Variants in KLHL11 observed in about 807,000 individuals in gnomAD.
The protein encoded by KLHL11 is kelch like family member 11.
A neutral mutation model predicts 56.1 loss-of-function variants in KLHL11; 26 were observed. The observed-to-expected ratio is 0.46, with a 90% confidence interval of 0.34 to 0.64. The LOEUF is 0.64. KLHL11 is among the 30% of genes least tolerant of loss of function. The pLI is 0.01. For synonymous variants in KLHL11, 338 were observed against 345.8 expected (o/e 0.98, Z 0.25); for missense variants, 627 against 919.4 (o/e 0.68, Z 4.11).
chr17:41,861,913 C>T (rs1458019067), intron 1 of KLHL11, among the ~76,000 whole-genome samples: 1 of 152,060 alleles, frequency 6.6e-6, no homozygotes, highest in East Asian at 1.9e-4. Flanking sequence ...GGGATTGTCC[C>T]CCAAAACATT....
chr17:41,860,001 G>A lies in KLHL11; in HGVS notation c.546-4680C>T, dbSNP rs117136327. On this transcript the variant is annotated intron_variant, in intron 1 of 1. Coordinates refer to ENST00000319121, the MANE Select transcript of KLHL11 (RefSeq NM_018143.3). Reference sequence around the variant, plus strand: ...TCAGGCCTCTCGCAATTCAGTAACCGTTTGTTATTAGTGACTGTGCTTAGT... The same window carrying A: ...TCAGGCCTCTCGCAATTCAGTAACCATTTGTTATTAGTGACTGTGCTTAGT... Among the ~76,000 whole-genome samples the A allele has an allele frequency of 7.9e-4, 121 of 152,210 alleles. No individual in the cohort carries two copies. In the East Asian group the frequency reaches 9.8e-3, roughly 12 times the overall value.
At position 41,853,161 on chromosome 17, in the gene KLHL11, T is replaced by C. The variant is rs2048341402; in HGVS notation, c.*579A>G. Among the ~76,000 whole-genome samples, 1 of 152,178 alleles carries C rather than the reference T, an allele frequency of 6.6e-6. No individual in the cohort carries two copies. The highest frequency in any genetic ancestry group is 6.6e-5 in the Admixed American group (1 of 15,266). On this transcript the variant is annotated 3_prime_UTR_variant, in exon 2 of 2. Coordinates refer to ENST00000319121, the MANE Select transcript of KLHL11 (RefSeq NM_018143.3). ...GAGCCAGTAAAAAATTTCTCATCAG[T>C]CACATCTTCTAGGAAGGAAACTGGC...
chr17:41,855,468 T>TC (rs781801188), intron 1 of KLHL11, 147 bp from the exon 2 acceptor site: 65 of 599,500 alleles, frequency 1.1e-4, no homozygotes, highest in Non-Finnish European at 1.6e-4. Context: ...AACCTCTACC[T>TC]CCTGGGTTCC....
chr17:41,857,052 T>C (rs893761982), intron 1 of KLHL11, among the ~76,000 whole-genome samples: 2 of 151,864 alleles, frequency 1.3e-5, no homozygotes, highest in East Asian at 3.9e-4. Context: ...CATATAGAGC[T>C]GGGCAGGGAG....
chr17:41,855,805 G>T lies in KLHL11; in HGVS notation c.546-484C>A, dbSNP rs556580227. Among the ~76,000 whole-genome samples, 485 of 149,758 alleles carry T rather than the reference G, an allele frequency of 3.2e-3. 3 individuals are homozygous for T. Among genetic ancestry groups the T allele is most frequent in the African/African-American group, 0.011 (465 of 40,612 alleles). On this transcript the variant is annotated intron_variant, in intron 1 of 1. Coordinates refer to ENST00000319121, the MANE Select transcript of KLHL11 (RefSeq NM_018143.3). ...TCCTGCCTCAGCCTCCCAAGTAGCT[G>T]GGATTACAGGCGTGTGCCACCACAC...
intron 1 of KLHL11, among the ~76,000 whole-genome samples, chr17:41,859,327 G>T (rs1230580740): frequency 6.6e-6 from 1 of 152,192 alleles, no homozygotes; most frequent in Non-Finnish European, 1.5e-5. Flanking sequence ...ACTTTGGGAG[G>T]CTGAGGTGGG....
At chr17:41,864,688 G>A in intron 1 of KLHL11, 138 bp downstream of exon 1, 1 of 937,562 alleles carries the variant, frequency 1.1e-6, no homozygotes, top group Non-Finnish European at 1.5e-6. Context: ...CCCCAAGCAG[G>A]CGCTCAGCGA....
rs782223096 is a variant in KLHL11, at chr17:41,853,868, G to C, written c.1999C>G (p.His667Asp). Reference protein sequence around the residue: ...CHVRIPYRYLHGTQRYPMPQN... With the variant: ...CHVRIPYRYLDGTQRYPMPQN... ...GGCATAGGGTATCTCTGTGTGCCAT[G>C]CAAGTACCGGTATGGGATCCTCACG... The change falls in exon 2 of 2, where the codon CAT becomes GAT. Residue 667 changes from histidine to aspartate, a missense_variant. His to Asp is a moderately conservative substitution (Grantham distance 81). This residue lies in a region of KLHL11 where 250 missense variants were observed against 360.6 expected (regional missense o/e 0.69). Coordinates refer to ENST00000319121, the MANE Select transcript of KLHL11 (RefSeq NM_018143.3). The C allele has an allele frequency of 2.5e-6, 4 of 1,614,104 alleles. No individual in the cohort carries two copies. Among genetic ancestry groups the C allele is most frequent in the African/African-American group, 1.3e-5 (1 of 74,928 alleles).
chr17:41,862,519 A>T (rs2144164629), intron 1 of KLHL11, among the ~76,000 whole-genome samples: 1 of 150,600 alleles, frequency 6.6e-6, no homozygotes, highest in Admixed American at 6.7e-5. Flanking sequence ...TGACCTCGTG[A>T]TCTGCCCACC....
intron 1 of KLHL11, among the ~76,000 whole-genome samples, chr17:41,857,893 T>C (rs1413724064): frequency 6.6e-6 from 1 of 152,180 alleles, no homozygotes; most frequent in East Asian, 1.9e-4. Flanking sequence ...CTCTGCTCAC[T>C]GCAACCTCTG....
Position 41,854,075 on chromosome 17 carries a change from T to C in KLHL11, c.1792A>G (p.Ser598Gly), listed in dbSNP as rs782025209. Residue 598 changes from serine (S) to glycine (G), a missense_variant, in exon 2 of 2, where the codon AGC (serine) becomes GGC (glycine). Ser to Gly is a moderately conservative substitution (Grantham distance 56). Coordinates refer to ENST00000319121, the MANE Select transcript of KLHL11 (RefSeq NM_018143.3). The surrounding 1 kb of genome is among the most constrained non-coding windows in gnomAD (Gnocchi z 4.9). ...ILESLPPEVL[S>G]IEGAAICYYK... ...TAGCAAATGGCTGCTCCTTCGATGC[T>C]TAGGACTTCTGGAGGCAAGCTTTCA... is the stretch of plus-strand genomic sequence containing the variant. The C allele has an allele frequency of 6.2e-7, 1 of 1,614,090 alleles. No homozygotes were observed. Among genetic ancestry groups the C allele is most frequent in the Non-Finnish European group, 8.5e-7 (1 of 1,180,040 alleles).
At chr17:41,862,511 A>G (rs1197552173) in intron 1 of KLHL11, among the ~76,000 whole-genome samples, 6 of 149,836 alleles carry the variant, frequency 4.0e-5, no homozygotes, top group Non-Finnish European at 7.4e-5. Flanking sequence ...CGATCTCCTG[A>G]CCTCGTGATC....
chr17:41,855,989 C>G (rs71373460), intron 1 of KLHL11, among the ~76,000 whole-genome samples: 12,568 of 149,238 alleles, frequency 0.084, 724 homozygotes, highest in Non-Finnish European at 0.12. Flanking sequence ...ACCATCCCCC[C>G]CCCAAAAAAA....
At position 41,850,100 on chromosome 17, in the gene KLHL11, G is replaced by A. The variant is rs1481679376; in HGVS notation, c.*3640C>T. ...ATTTTAGGCCTGATCCTTGTACTTA[G>A]AACCTTTCCAAATACTCTGGGAAGT... On this transcript the variant is annotated 3_prime_UTR_variant, in exon 2 of 2. Transcript: ENST00000319121. The A allele has an allele frequency of 2.0e-5, 3 of 152,144 alleles. No homozygotes were observed. The highest frequency in any genetic ancestry group is 2.9e-5 in the Non-Finnish European group (2 of 68,024). The allele number at this position is 152,144 out of a possible 1,614,324, so 9.4% of individuals were successfully genotyped here. A position where few individuals can be genotyped will look rare whatever the true frequency, so the allele number is the denominator to read the frequency against.
At chr17:41,855,613 C>T (rs925439777) in intron 1 of KLHL11, among the ~76,000 whole-genome samples, 7 of 151,856 alleles carry the variant, frequency 4.6e-5, no homozygotes, top group Admixed American at 2.6e-4. Flanking sequence ...CAAAGTGATC[C>T]GCCCGCCTTG....
chr17:41,856,265 C>T (rs1345843970), intron 1 of KLHL11, among the ~76,000 whole-genome samples: 3 of 152,214 alleles, frequency 2.0e-5, no homozygotes, highest in African/African-American at 7.2e-5. Context: ...GCTGAGATTA[C>T]AGGCGTGGGC....
chr17:41,848,524 G>T lies in KLHL11; in HGVS notation c.*5216C>A. On this transcript the variant is annotated 3_prime_UTR_variant, in exon 2 of 2. Transcript: ENST00000319121. Reference sequence around the variant, plus strand: ...TCACACAGTACAAACCAGCTTTAAAGAAATATGTTTATTTAAAACTTACAC... The same window carrying T: ...TCACACAGTACAAACCAGCTTTAAATAAATATGTTTATTTAAAACTTACAC... 4.0e-6 allele frequency: 2 copies of T among 501,238 alleles called. No homozygotes were observed. The highest frequency in any genetic ancestry group is 7.0e-6 in the Non-Finnish European group (2 of 284,080). The allele number at this position is 501,238 out of a possible 1,614,324, so 31.0% of individuals were successfully genotyped here.
intron 1 of KLHL11, among the ~76,000 whole-genome samples, chr17:41,857,217 C>T (rs952472876): frequency 2.7e-5 from 4 of 149,162 alleles, no homozygotes; most frequent in African/African-American, 4.9e-5. Context: ...TAAAAAAAAG[C>T]GTATACAGGC....
At position 41,855,183 on chromosome 17, in the gene KLHL11, T is replaced by C; in HGVS notation, c.684A>G (p.Ile228Met). 6.2e-7 allele frequency: 1 copy of C among 1,614,172 alleles called. No homozygotes were observed. The highest frequency in any genetic ancestry group is 8.5e-7 in the Non-Finnish European group (1 of 1,180,014). The change falls in exon 2 of 2, where the codon ATA becomes ATG. Residue 228 changes from isoleucine (I) to methionine (M), a missense_variant. By Grantham distance (10) the Ile-to-Met change is conservative (BLOSUM62 1). Transcript: ENST00000319121. ...GAATCACTTTGTGGAAATTTCTCCGTATCATATCAGCAGCCTTCAGAGCAA... is the reference window on the plus strand; with the variant it reads ...GAATCACTTTGTGGAAATTTCTCCGCATCATATCAGCAGCCTTCAGAGCAA... Reference protein sequence around the residue: ...SQLALKAADMIRRNFHKVIQD... With the variant: ...SQLALKAADMMRRNFHKVIQD...
Sources: gnomAD v4.1 joint callset for allele counts (sites outside exome capture counted in the v4.1 genomes callset) on GRCh38, gnomAD v4.1.1 for gene constraint, gnomAD v4.1.1 regional missense constraint, Gnocchi (gnomAD v3.1) non-coding constraint, MANE v1.5 for transcripts, NCBI Gene and HGNC (gene_info 2026-07-23, HGNC 2026-07-21) for gene names.